Variants in RIC1 observed in about 807,000 individuals in gnomAD.
The protein encoded by RIC1 is guanine nucleotide exchange factor subunit RIC1.
Under a neutral mutation model 169.0 loss-of-function variants are expected in RIC1, and 88 were observed. The ratio of observed to expected loss-of-function variants is 0.52; its 90% CI spans 0.44 to 0.62. The LOEUF (loss-of-function observed/expected upper bound fraction) is 0.62, where lower values mean the gene tolerates loss of function less well. Ranked by LOEUF, RIC1 falls within the 20% of genes least tolerant of loss-of-function variation. RIC1 has a pLI of 0.00. For synonymous variants in RIC1, 790 were observed against 601.5 expected, an observed-to-expected ratio of 1.31 and a Z score of -4.59; for missense variants, 1,877 against 1,725.5, an observed-to-expected ratio of 1.09 and a Z score of -1.56.
chr9:5,721,745 T>C (rs1453982665), intron 6 of RIC1, among the ~76,000 whole-genome samples: 1 of 152,222 alleles, frequency 6.6e-6, no homozygotes, highest in Non-Finnish European at 1.5e-5. Context: ...TTCCTCCTGC[T>C]AGGAATTAAT....
intron 6 of RIC1, among the ~76,000 whole-genome samples, chr9:5,732,089 TC>T (rs1479457483): frequency 6.6e-6 from 1 of 152,228 alleles, no homozygotes. Context: ...AAGAAAGTCA[TC>T]TTTATTTGAA....
In RIC1 at chr9:5,738,548, T is replaced by A; in HGVS notation, c.901+10T>A. ...GCAAAACAGTATCCTGGTGAGTCTT[T>A]TTTTTTTTTTTTTTTTTTAACATTT... On this transcript the variant is annotated intron_variant, in intron 8 of 25. Coordinates refer to ENST00000414202, the MANE Select transcript of RIC1 (RefSeq NM_020829.4). 3.5e-6 allele frequency: 4 copies of A among 1,128,696 alleles called. No homozygotes were observed. Among genetic ancestry groups the A allele is most frequent in the Non-Finnish European group, 4.7e-6 (4 of 842,908 alleles). 69.9% of individuals were successfully genotyped at this position (1,128,696 alleles called of 1,614,324 possible).
At chr9:5,739,351 C>T (rs547284547) in intron 8 of RIC1, among the ~76,000 whole-genome samples, 3 of 152,312 alleles carry the variant, frequency 2.0e-5, no homozygotes, top group African/African-American at 4.8e-5. Flanking sequence ...TGCAGAATCC[C>T]TACTTAGTGG....
chr9:5,769,636 C>A (rs2131137881), intron 22 of RIC1: 1 of 379,380 alleles, frequency 2.6e-6, no homozygotes, highest in East Asian at 5.9e-5. Flanking sequence ...AGTAAGGCCA[C>A]CTTCTAAACT....
At chr9:5,711,347 C>T (rs1054631642) in intron 3 of RIC1, among the ~76,000 whole-genome samples, 5 of 152,050 alleles carry the variant, frequency 3.3e-5, no homozygotes, top group African/African-American at 1.2e-4. Context: ...TATACTATAT[C>T]ATTCAACCCT....
intron 1 of RIC1, among the ~76,000 whole-genome samples, chr9:5,631,972 G>C (rs556512584): frequency 6.6e-6 from 1 of 152,252 alleles, no homozygotes; most frequent in South Asian, 2.1e-4. Context: ...AGAGTGAATT[G>C]GTTTAAAAAG....
chr9:5,702,002 A>C (rs189432225), intron 3 of RIC1, among the ~76,000 whole-genome samples: 1 of 152,204 alleles, frequency 6.6e-6, no homozygotes, highest in Non-Finnish European at 1.5e-5. Flanking sequence ...CCAAGGGGAC[A>C]CTCATCTTTA....
chr9:5,633,816 A>T (rs1405680103), intron 1 of RIC1, among the ~76,000 whole-genome samples: 4 of 152,188 alleles, frequency 2.6e-5, no homozygotes, highest in African/African-American at 9.7e-5. Context: ...TATTAACGAT[A>T]GTTACTGGGC....
intron 4 of RIC1, among the ~76,000 whole-genome samples, chr9:5,715,953 T>G (rs759784896): frequency 6.4e-4 from 98 of 152,010 alleles, no homozygotes; most frequent in Non-Finnish European, 1.1e-3. Context: ...GCTCCAGTGA[T>G]CTCACCTCAG....
chr9:5,747,180 C>T (rs1180020383), intron 11 of RIC1, 122 bp from the exon 12 acceptor site: 12 of 692,954 alleles, frequency 1.7e-5, no homozygotes, highest in Non-Finnish European at 2.2e-5. Context: ...AAATCAACAT[C>T]GAGATACATG....
Position 5,745,919 on chromosome 9 carries a change from C to T in RIC1, c.1096-12C>T. The T allele has an allele frequency of 6.2e-6, 10 of 1,606,770 alleles. No homozygotes were observed. Among genetic ancestry groups the T allele is most frequent in the African/African-American group, 1.3e-5 (1 of 74,892 alleles). On this transcript the variant is annotated splice_polypyrimidine_tract_variant and intron_variant, in intron 10 of 25. Transcript: ENST00000414202. ...TGCTCTGACTTTTTTTCTCCCTCCTCTTCTCTCTAAGAGCTGGGGTGCAGA... is the reference window on the plus strand; with the variant it reads ...TGCTCTGACTTTTTTTCTCCCTCCTTTTCTCTCTAAGAGCTGGGGTGCAGA...
At chr9:5,762,414 C>T in intron 17 of RIC1, 127 bp from the exon 18 acceptor site, 1 of 1,155,950 alleles carries the variant, frequency 8.7e-7, no homozygotes, top group Non-Finnish European at 1.2e-6. Context: ...AGCAGAATGG[C>T]TGTACATAGT....
intron 3 of RIC1, among the ~76,000 whole-genome samples, chr9:5,710,609 G>A (rs137951995): frequency 2.0e-3 from 306 of 152,268 alleles, no homozygotes; most frequent in African/African-American, 6.8e-3. Context: ...ACTAAACATT[G>A]TTAGCCATTT....
intron 15 of RIC1, among the ~76,000 whole-genome samples, chr9:5,755,793 C>T (rs772899916): frequency 5.3e-5 from 8 of 152,092 alleles, no homozygotes; most frequent in Non-Finnish European, 8.8e-5. Flanking sequence ...TATGGTGGCA[C>T]ACCCCTGTAA....
intron 17 of RIC1, among the ~76,000 whole-genome samples, chr9:5,758,767 A>G (rs1424549951): frequency 2.4e-5 from 2 of 83,866 alleles, no homozygotes; most frequent in Non-Finnish European, 4.3e-5. Flanking sequence ...TTTTTTTGAG[A>G]TGGAGTCTCA....
chr9:5,639,763 T>C (rs1376039574), intron 1 of RIC1, among the ~76,000 whole-genome samples: 2 of 152,216 alleles, frequency 1.3e-5, no homozygotes, highest in Non-Finnish European at 2.9e-5. Flanking sequence ...TCTGGGTGTG[T>C]TGGGTGCATA....
At chr9:5,728,595 A>G (rs1326015082) in intron 6 of RIC1, among the ~76,000 whole-genome samples, 2 of 152,206 alleles carry the variant, frequency 1.3e-5, no homozygotes, top group African/African-American at 2.4e-5. Context: ...TTGGAAATGC[A>G]GAAATCACCC....
chr9:5,736,833 C>A (rs1313514096), intron 7 of RIC1, among the ~76,000 whole-genome samples: 1 of 151,782 alleles, frequency 6.6e-6, no homozygotes, highest in East Asian at 1.9e-4. Flanking sequence ...AAAACAAAAA[C>A]AGAGTATCAG....
chr9:5,760,478 C>A (rs1826258821), intron 17 of RIC1, among the ~76,000 whole-genome samples: 1 of 152,164 alleles, frequency 6.6e-6, no homozygotes, highest in South Asian at 2.1e-4. Context: ...TTAAGGTAGT[C>A]ATTATAAACA....
Sources: allele counts gnomAD v4.1 joint callset (sites outside exome capture counted in the v4.1 genomes callset), GRCh38; gene constraint gnomAD v4.1.1; transcripts MANE v1.5; gene names NCBI Gene and HGNC (gene_info 2026-07-23, HGNC 2026-07-21).